The following DAB2IP variants were observed in gnomAD, a reference collection of about 807,000 sequenced individuals.
DAB2IP encodes the protein DAB2 interacting protein, also known as disabled homolog 2-interacting protein.
Under a neutral mutation model 107.2 loss-of-function variants are expected in DAB2IP, and 28 were observed. The ratio of observed to expected loss-of-function variants is 0.26; its 90% CI spans 0.19 to 0.36. The LOEUF (loss-of-function observed/expected upper bound fraction) is 0.36, where lower values mean the gene tolerates loss of function less well. Among genes scored for constraint, DAB2IP ranks in the 10% least tolerant of loss-of-function variants. The probability of loss-of-function intolerance (pLI) is 1.00; values close to 1 mark genes in which losing one functional copy is unlikely to be tolerated. For missense variants in DAB2IP, 1,400 were observed against 1,644.7 expected (o/e 0.85, Z 2.57); for synonymous variants, 755 against 706.4 (o/e 1.07, Z -1.09).
At chr9:121,600,153 G>C (rs73544285) in intron 1 of DAB2IP, among the ~76,000 whole-genome samples, 1 of 152,190 alleles carries the variant, frequency 6.6e-6, no homozygotes, top group Non-Finnish European at 1.5e-5. Flanking sequence ...GGCTTCCAGC[G>C]GTCTCCCAAA....
At chr9:121,640,754 C>T (rs117966808) in intron 1 of DAB2IP, among the ~76,000 whole-genome samples, 99 of 152,282 alleles carry the variant, frequency 6.5e-4, no homozygotes, top group African/African-American at 2.0e-3. Context: ...GGCAGGCCTA[C>T]GGCGTGGGGT....
intron 3 of DAB2IP, among the ~76,000 whole-genome samples, chr9:121,725,794 C>T (rs1831212168): frequency 6.6e-6 from 1 of 152,188 alleles, no homozygotes; most frequent in African/African-American, 2.4e-5. Flanking sequence ...TGTGTTGGGC[C>T]TGGAGAGTGC....
At chr9:121,716,338 G>A (rs2118797459) in intron 3 of DAB2IP, among the ~76,000 whole-genome samples, 1 of 152,354 alleles carries the variant, frequency 6.6e-6, no homozygotes, top group African/African-American at 2.4e-5. Flanking sequence ...AACCCCAGGT[G>A]AGGCAGGAAC....
At chr9:121,714,719 G>A (rs541364146) in intron 3 of DAB2IP, among the ~76,000 whole-genome samples, 6 of 152,352 alleles carry the variant, frequency 3.9e-5, no homozygotes, top group African/African-American at 1.4e-4. Context: ...AGGCTGAAGT[G>A]CAATTGTCCT....
At chr9:121,674,904 G>C (rs1833832913) in intron 1 of DAB2IP, among the ~76,000 whole-genome samples, 1 of 152,104 alleles carries the variant, frequency 6.6e-6, no homozygotes, top group Non-Finnish European at 1.5e-5. Context: ...TGGTGTGTGT[G>C]TGTGTATGTG....
intron 3 of DAB2IP, among the ~76,000 whole-genome samples, chr9:121,741,923 A>G (rs542615550): frequency 6.6e-6 from 1 of 151,994 alleles, no homozygotes; most frequent in South Asian, 2.1e-4. Flanking sequence ...TAACCTGTCC[A>G]AGACCACACA....
intron 1 of DAB2IP, among the ~76,000 whole-genome samples, chr9:121,583,648 G>C (rs1236963782): frequency 6.6e-6 from 1 of 152,104 alleles, no homozygotes; most frequent in East Asian, 1.9e-4. Context: ...GCAGCTGTTG[G>C]GGGGGATGGG....
chr9:121,611,558 AT>A (rs1025517162), intron 1 of DAB2IP, among the ~76,000 whole-genome samples: 68 of 151,992 alleles, frequency 4.5e-4, no homozygotes, highest in African/African-American at 1.0e-3. Flanking sequence ...AATAATACCT[AT>A]TTTTTAGGGC....
intron 1 of DAB2IP, among the ~76,000 whole-genome samples, chr9:121,654,786 G>C (rs1299661014): frequency 1.3e-5 from 2 of 152,238 alleles, no homozygotes; most frequent in African/African-American, 2.4e-5. Context: ...CCTCAGAGGA[G>C]TGGGTGGTGC....
At chr9:121,583,004 A>G (rs1830232791) in intron 1 of DAB2IP, among the ~76,000 whole-genome samples, 1 of 152,256 alleles carries the variant, frequency 6.6e-6, no homozygotes, top group South Asian at 2.1e-4. Context: ...AAAGCTTGAG[A>G]CCAGTAACCA....
chr9:121,602,519 T>C (rs902900532), intron 1 of DAB2IP, among the ~76,000 whole-genome samples: 4 of 152,150 alleles, frequency 2.6e-5, no homozygotes, highest in Admixed American at 6.5e-5. Flanking sequence ...TCAGCCTCTT[T>C]AGTAACTGCG....
At chr9:121,741,263 CAGGCGTGT>C (rs1277994494) in intron 3 of DAB2IP, among the ~76,000 whole-genome samples, 1 of 152,210 alleles carries the variant, frequency 6.6e-6, no homozygotes, top group African/African-American at 2.4e-5. Context: ...GTTTCTGCAA[CAGGCGTGT>C]AGGGTGGCCC....
chr9:121,642,004 T>TTTC, intron 1 of DAB2IP, among the ~76,000 whole-genome samples: 1 of 19,496 alleles, frequency 5.1e-5, no homozygotes, highest in Non-Finnish European at 8.1e-5. Context: ...TTTCTCTCTC[T>TTTC]CTCTCTCTCT....
chr9:121,627,904 G>A (rs75780551), intron 1 of DAB2IP, among the ~76,000 whole-genome samples: 1,589 of 152,256 alleles, frequency 0.01, 28 homozygotes, highest in African/African-American at 0.036. Context: ...TATCTGCTGC[G>A]TAGAACTTTC....
Position 121,782,503 on chromosome 9 carries a change from C to A in DAB2IP, c.*5C>A. 1 of 1,613,136 alleles carries A rather than the reference C, an allele frequency of 6.2e-7. No individual in the cohort carries two copies. Among genetic ancestry groups the A allele is most frequent in the Non-Finnish European group, 8.5e-7 (1 of 1,179,312 alleles). On this transcript the variant is annotated 3_prime_UTR_variant, in exon 16 of 16. Transcript: ENST00000408936. The surrounding 1 kb of genome is among the most constrained non-coding windows in gnomAD (Gnocchi z 6.1). ...AGAAACAGCAGCAATTGTTAACCTG[C>A]CTGAGGAGGGAGGAAGCTACCCAAG...
At chr9:121,737,555 G>A in intron 3 of DAB2IP, 1 of 985,418 alleles carries the variant, frequency 1.0e-6, no homozygotes. Flanking sequence ...CTGTGGCCTT[G>A]GACTTCTTAG....
At chr9:121,590,558 T>C (rs1391356357) in intron 1 of DAB2IP, among the ~76,000 whole-genome samples, 1 of 152,134 alleles carries the variant, frequency 6.6e-6, no homozygotes. Context: ...AGTTTCCTCA[T>C]CTGTCAAAAG....
intron 1 of DAB2IP, among the ~76,000 whole-genome samples, chr9:121,586,278 A>C (rs892460137): frequency 1.3e-5 from 2 of 152,236 alleles, no homozygotes; most frequent in African/African-American, 4.8e-5. Context: ...ATGGCAGATG[A>C]ACTTCAGGTG....
chr9:121,697,857 G>A (rs918222087), intron 2 of DAB2IP, among the ~76,000 whole-genome samples: 6 of 152,200 alleles, frequency 3.9e-5, no homozygotes, highest in Non-Finnish European at 7.3e-5. Context: ...GATAGGAAAA[G>A]GGAAATCTTG....
Sources: gnomAD v4.1 joint callset for allele counts (sites outside exome capture counted in the v4.1 genomes callset) on GRCh38, gnomAD v4.1.1 for gene constraint, Gnocchi (gnomAD v3.1) non-coding constraint, MANE v1.5 for transcripts, NCBI Gene and HGNC (gene_info 2026-07-23, HGNC 2026-07-21) for gene names.